The following VIPAS39 variants were observed in gnomAD, a reference collection of about 807,000 sequenced individuals.
VIPAS39 encodes VPS33B interacting protein, apical-basolateral polarity regulator, spe-39 homolog.
Under a neutral mutation model 84.7 loss-of-function variants are expected in VIPAS39, and 63 were observed. The observed-to-expected ratio is 0.74, with a 90% CI of 0.61 to 0.92. The LOEUF is 0.92. Ranked by LOEUF, VIPAS39 falls within the 40% of genes least tolerant of loss-of-function variation. VIPAS39 has a pLI of 0.00. For synonymous variants in VIPAS39, 192 were observed against 216.5 expected (o/e 0.89, Z 0.99); for missense variants, 499 against 604.5 (o/e 0.83, Z 1.83).
In VIPAS39 at chr14:77,443,469, C is replaced by G. The variant is rs2078734748; in HGVS notation, c.598-317G>C. On this transcript the variant is annotated intron_variant, in intron 8 of 19. Transcript: ENST00000557658. ...GTTACAATCAACGGTTTCACATAGG[C>G]TGGGCATGGTGACTCATGCCCATAA... Among the ~76,000 whole-genome samples the G allele has an allele frequency of 2.0e-5, 3 of 152,258 alleles. No individual in the cohort carries two copies. The South Asian group carries it at 6.2e-4, about 32-fold the overall frequency.
chr14:77,453,451 C>T (rs774686997), intron 2 of VIPAS39, 50 bp from the exon 3 acceptor site: 2 of 1,554,200 alleles, frequency 1.3e-6, no homozygotes, highest in East Asian at 4.5e-5. Context: ...TCATTTCCCA[C>T]CTCTCTTCTG....
chr14:77,435,466 T>C, intron 13 of VIPAS39, 73 bp from the exon 14 acceptor site: 1 of 1,586,362 alleles, frequency 6.3e-7, no homozygotes, highest in South Asian at 1.1e-5. Flanking sequence ...AAAAATCTTT[T>C]AATACTACAG....
chr14:77,429,631 G>C, intron 17 of VIPAS39, 50 bp downstream of exon 17: 1 of 1,583,910 alleles, frequency 6.3e-7, no homozygotes, highest in African/African-American at 1.3e-5. Context: ...GAGGCTTAAA[G>C]TTAGGTCTCC....
intron 3 of VIPAS39, among the ~76,000 whole-genome samples, chr14:77,452,752 A>G (rs1041021272): frequency 3.5e-4 from 49 of 142,004 alleles, no homozygotes; most frequent in African/African-American, 1.2e-3. Flanking sequence ...TGCACTCCAG[A>G]CTAGGCAACA....
intron 11 of VIPAS39, among the ~76,000 whole-genome samples, chr14:77,438,222 G>T (rs2078645481): frequency 7.4e-6 from 1 of 134,970 alleles, no homozygotes; most frequent in African/African-American, 2.5e-5. Flanking sequence ...CACAAATATG[G>T]AAAATTTTTT....
At chr14:77,439,266 A>G (rs940170643) in intron 11 of VIPAS39, among the ~76,000 whole-genome samples, 9 of 152,238 alleles carry the variant, frequency 5.9e-5, no homozygotes, top group African/African-American at 2.2e-4. Flanking sequence ...AAAATGAGTT[A>G]CCCAAAACAC....
intron 7 of VIPAS39, among the ~76,000 whole-genome samples, chr14:77,445,398 T>A (rs2078772678): frequency 6.6e-6 from 1 of 152,166 alleles, no homozygotes. Flanking sequence ...CAGACTGTAC[T>A]TATCACTAAG....
chr14:77,457,198 G>C (rs939101588), intron 1 of VIPAS39: 8 of 1,501,166 alleles, frequency 5.3e-6, no homozygotes, highest in East Asian at 2.5e-5. Flanking sequence ...ATGACTCTAC[G>C]GGTGAACGTC....
At chr14:77,456,846 G>T (rs144211017) in intron 1 of VIPAS39, among the ~76,000 whole-genome samples, 5 of 152,206 alleles carry the variant, frequency 3.3e-5, no homozygotes, top group Non-Finnish European at 7.3e-5. Context: ...GGCAAGTATA[G>T]ATAATGATCT....
chr14:77,453,896 T>C, intron 2 of VIPAS39, 114 bp downstream of exon 2: 1 of 967,634 alleles, frequency 1.0e-6, no homozygotes, highest in Non-Finnish European at 1.6e-6. Context: ...TCTGGCTCTT[T>C]TCTGAGCCTA....
chr14:77,435,506 C>T, intron 13 of VIPAS39, 113 bp from the exon 14 acceptor site: 1 of 1,419,990 alleles, frequency 7.0e-7, no homozygotes, highest in East Asian at 2.4e-5. Context: ...AGGAGAGAAA[C>T]AAAGAACAGA....
intron 16 of VIPAS39, among the ~76,000 whole-genome samples, chr14:77,430,556 A>G (rs915313789): frequency 8.6e-5 from 13 of 152,010 alleles, no homozygotes; most frequent in Admixed American, 7.9e-4. Flanking sequence ...ATCTTTACTA[A>G]AAATACAAAA....
At chr14:77,449,215 G>A (rs2078844544) in intron 6 of VIPAS39, 78 bp downstream of exon 6, 4 of 1,475,574 alleles carry the variant, frequency 2.7e-6, no homozygotes, top group Admixed American at 3.3e-5. Flanking sequence ...CAAATAGTTG[G>A]GAAAATCAAG....
chr14:77,427,284 C>G lies in VIPAS39; in HGVS notation c.*332G>C. 2 of 395,510 alleles carry G rather than the reference C, an allele frequency of 5.1e-6. No individual in the cohort carries two copies. Among genetic ancestry groups the G allele is most frequent in the East Asian group, 9.7e-5 (2 of 20,618 alleles). 24.5% of individuals were successfully genotyped at this position (395,510 alleles called of 1,614,324 possible). ...GAATGCAGTAGCCACCCTATGACTC[C>G]CATACCTCTTCCTTTCTGGAGCAGT... On this transcript the variant is annotated 3_prime_UTR_variant, in exon 20 of 20. Coordinates refer to ENST00000557658, the MANE Select transcript of VIPAS39 (RefSeq NM_001193315.2).
At chr14:77,427,958 G>A (rs903556272) in intron 19 of VIPAS39, among the ~76,000 whole-genome samples, 14 of 152,064 alleles carry the variant, frequency 9.2e-5, no homozygotes, top group Non-Finnish European at 7.4e-5. Context: ...TGTGAGAGAC[G>A]AACCAGCTGT....
intron 7 of VIPAS39, 35 bp from the exon 8 acceptor site, chr14:77,444,376 GAC>G (rs1265485962): frequency 1.3e-6 from 2 of 1,571,318 alleles, no homozygotes; most frequent in Admixed American, 3.4e-5. Flanking sequence ...TACACAAGAA[GAC>G]AGTTTTCTTT....
intron 13 of VIPAS39, 148 bp from the exon 14 acceptor site, chr14:77,435,541 T>C (rs1437125406): frequency 8.8e-7 from 1 of 1,142,052 alleles, no homozygotes; most frequent in East Asian, 2.5e-5. Context: ...GCCTAGGATA[T>C]CCCCAGAGTA....
intron 10 of VIPAS39, 23 bp from the exon 11 acceptor site, chr14:77,441,116 A>G: frequency 6.2e-7 from 1 of 1,612,478 alleles, no homozygotes; most frequent in South Asian, 1.1e-5. Context: ...AGAAGGGAGC[A>G]GGGCATTTGT....
chr14:77,444,113 T>G (rs1462864398), intron 8 of VIPAS39, 136 bp downstream of exon 8: 21 of 875,086 alleles, frequency 2.4e-5, no homozygotes, highest in Non-Finnish European at 3.4e-5. Context: ...CACAGATTAC[T>G]TAGAATCCTA....
Sources: gnomAD v4.1 joint callset for allele counts (sites outside exome capture counted in the v4.1 genomes callset) on GRCh38, gnomAD v4.1.1 for gene constraint, MANE v1.5 for transcripts, NCBI Gene and HGNC (gene_info 2026-07-23, HGNC 2026-07-21) for gene names.